The following RNF4 variants were observed in gnomAD, a reference collection of about 807,000 sequenced individuals.
RNF4 encodes E3 ubiquitin-protein ligase RNF4.
A neutral mutation model predicts 24.3 loss-of-function variants in RNF4; 7 were observed. The ratio of observed to expected loss-of-function variants is 0.29; its 90% CI spans 0.16 to 0.54. The LOEUF (loss-of-function observed/expected upper bound fraction) is 0.54, where lower values mean the gene tolerates loss of function less well. RNF4 is among the 20% of genes least tolerant of loss of function. The pLI is 0.95. For synonymous variants in RNF4, 83 were observed against 84.3 expected, an observed-to-expected ratio of 0.98 and a Z score of 0.09; for missense variants, 209 against 248.5, an observed-to-expected ratio of 0.84 and a Z score of 1.07.
At chr4:2,473,638 C>T (rs1366990212) in intron 1 of RNF4, among the ~76,000 whole-genome samples, 7 of 150,332 alleles carry the variant, frequency 4.7e-5, no homozygotes, top group East Asian at 2.0e-4. Flanking sequence ...GGTGAAACCC[C>T]GTCTCTACTA....
At chr4:2,490,598 A>G (rs1735550559) in intron 2 of RNF4, 96 bp downstream of exon 2, 1 of 1,305,802 alleles carries the variant, frequency 7.7e-7, no homozygotes, top group South Asian at 1.3e-5. Flanking sequence ...CCATAATGTC[A>G]CTTCTAAGTA....
At chr4:2,481,690 T>C (rs1265719990) in intron 1 of RNF4, among the ~76,000 whole-genome samples, 2 of 152,098 alleles carry the variant, frequency 1.3e-5, no homozygotes, top group African/African-American at 4.8e-5. Flanking sequence ...AGCCAGTGAT[T>C]TTTTTGACTT....
chr4:2,513,891 A>G lies in RNF4; in HGVS notation c.*72A>G, dbSNP rs961616455. 3.0e-5 allele frequency: 48 copies of G among 1,589,796 alleles called. No individual in the cohort carries two copies. Among genetic ancestry groups the G allele is most frequent in the Middle Eastern group, 1.7e-4 (1 of 5,988 alleles). Reference sequence around the variant, plus strand: ...AGGTTCTCCAGTGGTATCTGCCTCCATTTTCCTGAGATCAAAAAGACTGTT... The same window carrying G: ...AGGTTCTCCAGTGGTATCTGCCTCCGTTTTCCTGAGATCAAAAAGACTGTT... On this transcript the variant is annotated 3_prime_UTR_variant, in exon 8 of 8. Transcript: ENST00000314289.
intron 1 of RNF4, among the ~76,000 whole-genome samples, chr4:2,489,308 A>G (rs1735509548): frequency 6.6e-6 from 1 of 152,228 alleles, no homozygotes; most frequent in Non-Finnish European, 1.5e-5. Flanking sequence ...CAGCATGAGC[A>G]GGCATGGTAA....
rs1736302621 is a variant in RNF4, at chr4:2,512,692, G to C, written c.374+95G>C. On this transcript the variant is annotated intron_variant, in intron 6 of 7. Transcript: ENST00000314289. This position sits in a 1 kb window ranked among gnomAD's most constrained non-coding sequence, Gnocchi z 4.1. ...AGCAAATCTGTGAGCCCTTGGCCCT[G>C]GAAGGGCTTGCCCAAGCCTCTACCC... 7.0e-7 allele frequency: 1 copy of C among 1,429,700 alleles called. No individual in the cohort carries two copies. The allele number at this position is 1,429,700 out of a possible 1,614,324, so 88.6% of individuals were successfully genotyped here. A position where few individuals can be genotyped will look rare whatever the true frequency, so the allele number is the denominator to read the frequency against.
chr4:2,493,675 C>A (rs1735647138), intron 2 of RNF4, among the ~76,000 whole-genome samples: 1 of 134,666 alleles, frequency 7.4e-6, no homozygotes, highest in African/African-American at 2.8e-5. Context: ...ACCTGGGAGG[C>A]AGAAGTTGTG....
intron 4 of RNF4, among the ~76,000 whole-genome samples, chr4:2,508,577 GGTTTTTGTTTTGTTTTGTTTTGTTTTTT>G (rs1374823334): frequency 6.6e-6 from 1 of 151,978 alleles, no homozygotes; most frequent in Non-Finnish European, 1.5e-5. Flanking sequence ...TTGTTTGTTT[GGTTTTTGTTTTGTTTTGTTTTGTTTTTT>G]GTTTTTGTTT....
At chr4:2,498,959 G>C (rs1170285186) in intron 3 of RNF4, among the ~76,000 whole-genome samples, 1 of 152,036 alleles carries the variant, frequency 6.6e-6, no homozygotes. Flanking sequence ...CACTTTGGGA[G>C]GCCGAGGCGT....
intron 1 of RNF4, among the ~76,000 whole-genome samples, chr4:2,485,876 T>C (rs1170411928): frequency 6.6e-6 from 1 of 152,140 alleles, no homozygotes; most frequent in Non-Finnish European, 1.5e-5. Context: ...GTGGGGCCCT[T>C]TCTTGAAATG....
At chr4:2,502,628 C>T (rs866409666) in intron 4 of RNF4, among the ~76,000 whole-genome samples, 21 of 150,608 alleles carry the variant, frequency 1.4e-4, no homozygotes, top group African/African-American at 4.6e-4. Context: ...GCCGAGATCA[C>T]GTCACTGCAC....
chr4:2,469,546 C>G (rs887634313), intron 1 of RNF4: 2 of 152,272 alleles, frequency 1.3e-5, no homozygotes, highest in East Asian at 1.9e-4. Context: ...AACTGAGACT[C>G]TGGGAGGGGC....
chr4:2,484,325 T>C (rs1171401763), intron 1 of RNF4, among the ~76,000 whole-genome samples: 1 of 151,850 alleles, frequency 6.6e-6, no homozygotes, highest in Non-Finnish European at 1.5e-5. Flanking sequence ...AGCTGACTCT[T>C]TGCTCATAGG....
chr4:2,487,010 A>G (rs1735431513), intron 1 of RNF4, among the ~76,000 whole-genome samples: 1 of 152,198 alleles, frequency 6.6e-6, no homozygotes, highest in Non-Finnish European at 1.5e-5. Context: ...TGTGAGTCCT[A>G]AGGTGATGTC....
intron 4 of RNF4, among the ~76,000 whole-genome samples, chr4:2,502,541 G>A (rs1578519714): frequency 1.3e-5 from 2 of 151,736 alleles, no homozygotes; most frequent in South Asian, 2.1e-4. Context: ...AAAATTATGC[G>A]GACGCCTGTA....
intron 1 of RNF4, among the ~76,000 whole-genome samples, chr4:2,470,798 C>T (rs1360537234): frequency 2.0e-5 from 3 of 148,776 alleles, no homozygotes; most frequent in African/African-American, 5.1e-5. Flanking sequence ...TAAGAGATAA[C>T]TCATTTTATT....
intron 3 of RNF4, among the ~76,000 whole-genome samples, chr4:2,497,599 T>C (rs1560408918): frequency 6.6e-6 from 1 of 152,148 alleles, no homozygotes; most frequent in Non-Finnish European, 1.5e-5. Context: ...CATATATTGT[T>C]TTTATAACTA....
chr4:2,510,351 C>T (rs941110087), intron 4 of RNF4, among the ~76,000 whole-genome samples: 1 of 152,200 alleles, frequency 6.6e-6, no homozygotes, highest in Non-Finnish European at 1.5e-5. Flanking sequence ...TAGGGAGCTG[C>T]TGTGTCTGCT....
chr4:2,499,860 TA>T, intron 3 of RNF4, among the ~76,000 whole-genome samples: 1 of 152,218 alleles, frequency 6.6e-6, no homozygotes, highest in East Asian at 1.9e-4. Context: ...AAATGGAAAT[TA>T]AAAGTTTGTC....
At chr4:2,497,546 G>A (rs1322204236) in intron 3 of RNF4, among the ~76,000 whole-genome samples, 1 of 152,196 alleles carries the variant, frequency 6.6e-6, no homozygotes, top group African/African-American at 2.4e-5. Context: ...CCTTCTGCCT[G>A]CTCAAGAAGT....
Sources: allele counts gnomAD v4.1 joint callset (sites outside exome capture counted in the v4.1 genomes callset), GRCh38; gene constraint gnomAD v4.1.1; non-coding constraint Gnocchi (gnomAD v3.1); transcripts MANE v1.5; gene names NCBI Gene and HGNC (gene_info 2026-07-23, HGNC 2026-07-21).